PARP8: variants seen among roughly 807,000 people sequenced by gnomAD.
PARP8 encodes the protein poly(ADP-ribose) polymerase family member 8.
In PARP8, 51 loss-of-function variants were observed where a neutral mutation model predicts 124.1. That is an observed-to-expected ratio of 0.41 (90% CI 0.33 to 0.52). The LOEUF (loss-of-function observed/expected upper bound fraction) is 0.52, where lower values mean the gene tolerates loss of function less well. PARP8 is among the 20% of genes least tolerant of loss of function. The pLI is 0.21. For synonymous variants in PARP8, 391 were observed against 361.5 expected (o/e 1.08, Z -0.93); for missense variants, 860 against 1,018.9 (o/e 0.84, Z 2.12).
chr5:50,802,141 ATTT>A (rs1242056065), intron 14 of PARP8, among the ~76,000 whole-genome samples: 1 of 152,088 alleles, frequency 6.6e-6, no homozygotes, highest in Non-Finnish European at 1.5e-5. Flanking sequence ...TATTATGTCT[ATTT>A]TGTTCCTCTG....
intron 14 of PARP8, among the ~76,000 whole-genome samples, 180 bp downstream of exon 14, chr5:50,797,413 TTA>T (rs1491167100): frequency 6.6e-6 from 1 of 152,212 alleles, no homozygotes; most frequent in Non-Finnish European, 1.5e-5. Context: ...GAAAGAGCAG[TTA>T]GTTTGATATT....
chr5:50,793,035 CT>C (rs1317901347), intron 10 of PARP8, among the ~76,000 whole-genome samples: 1 of 152,098 alleles, frequency 6.6e-6, no homozygotes, highest in East Asian at 1.9e-4. Context: ...CGTACTACTA[CT>C]CTGTCACTTG....
intron 25 of PARP8, among the ~76,000 whole-genome samples, chr5:50,835,769 G>GTT (rs371433285): frequency 2.0e-5 from 3 of 150,692 alleles, no homozygotes; most frequent in African/African-American, 7.3e-5. Flanking sequence ...TCAATGTGGG[G>GTT]TTTTTTTTTG....
intron 2 of PARP8, among the ~76,000 whole-genome samples, chr5:50,717,592 C>A (rs1368738260): frequency 6.6e-6 from 1 of 151,652 alleles, no homozygotes; most frequent in Admixed American, 6.6e-5. Flanking sequence ...TCTGTGCAAG[C>A]AGAGAAAAAG....
chr5:50,694,802 C>T (rs1415263936), intron 2 of PARP8, among the ~76,000 whole-genome samples: 1 of 152,142 alleles, frequency 6.6e-6, no homozygotes, highest in Non-Finnish European at 1.5e-5. Context: ...CTCAAAACCT[C>T]AGAAGTAAGG....
chr5:50,761,416 T>C (rs1561342406), intron 5 of PARP8, among the ~76,000 whole-genome samples: 1 of 152,070 alleles, frequency 6.6e-6, no homozygotes, highest in African/African-American at 2.4e-5. Context: ...TTTTTTTTCA[T>C]ACCATTGTTT....
chr5:50,679,519 A>G (rs1751038436), intron 2 of PARP8, among the ~76,000 whole-genome samples: 1 of 152,216 alleles, frequency 6.6e-6, no homozygotes, highest in South Asian at 2.1e-4. Flanking sequence ...GGTGGGCTCT[A>G]GAGCTTTTGT....
intron 3 of PARP8, among the ~76,000 whole-genome samples, chr5:50,755,504 T>C (rs888043326): frequency 6.6e-6 from 1 of 152,184 alleles, no homozygotes; most frequent in Non-Finnish European, 1.5e-5. Context: ...TGTGTGGTAT[T>C]ATTTCTGAGG....
intron 2 of PARP8, among the ~76,000 whole-genome samples, chr5:50,674,873 C>G (rs896126152): frequency 6.6e-6 from 1 of 152,050 alleles, no homozygotes; most frequent in Admixed American, 6.5e-5. Context: ...ACGTTTTACG[C>G]ATAGGAGGAT....
At chr5:50,678,179 A>C (rs1161397419) in intron 2 of PARP8, among the ~76,000 whole-genome samples, 1 of 152,172 alleles carries the variant, frequency 6.6e-6, no homozygotes, top group Non-Finnish European at 1.5e-5. Context: ...AAAATTATTA[A>C]GAACCATTAC....
At chr5:50,698,162 G>T (rs1249394983) in intron 2 of PARP8, among the ~76,000 whole-genome samples, 1 of 152,158 alleles carries the variant, frequency 6.6e-6, no homozygotes, top group East Asian at 1.9e-4. Flanking sequence ...TTTCTCAGTC[G>T]AATACACGAG....
At chr5:50,783,603 G>A (rs1361705945) in intron 9 of PARP8, among the ~76,000 whole-genome samples, 1 of 152,048 alleles carries the variant, frequency 6.6e-6, no homozygotes, top group African/African-American at 2.4e-5. Context: ...TCTTAGTGAT[G>A]GCCACCTACA....
chr5:50,809,762 T>C (rs1707884395), intron 14 of PARP8, among the ~76,000 whole-genome samples: 2 of 151,960 alleles, frequency 1.3e-5, no homozygotes, highest in African/African-American at 2.4e-5. Flanking sequence ...AAAAAGACCA[T>C]GGCAAAAATA....
At chr5:50,771,180 A>G (rs945336628) in intron 7 of PARP8, among the ~76,000 whole-genome samples, 1 of 151,400 alleles carries the variant, frequency 6.6e-6, no homozygotes. Context: ...ATTTTTTGAG[A>G]TAGAGTTTTG....
At chr5:50,777,352 A>G (rs936888848) in intron 7 of PARP8, among the ~76,000 whole-genome samples, 3 of 152,196 alleles carry the variant, frequency 2.0e-5, no homozygotes, top group East Asian at 1.9e-4. Flanking sequence ...ATCTCTCACT[A>G]TGCATAGCAT....
Position 50,759,680 on chromosome 5 carries a change from T to C in PARP8, c.222T>C (p.Asp74=), listed in dbSNP as rs1033128395. 1 of 1,578,108 alleles carries C rather than the reference T, an allele frequency of 6.3e-7. No individual in the cohort carries two copies. Among genetic ancestry groups the C allele is most frequent in the Non-Finnish European group, 8.6e-7 (1 of 1,166,914 alleles). ...TYVSSSENDE[D]VLVTTEPIPV... is the part of the protein sequence containing the mutation. ...TGTCAAGTTCAGAGAATGATGAAGA[T>C]GTGCTAGTTACTACAGAGCCAATAC... Residue 74 remains aspartate (D), a synonymous_variant, in exon 4 of 26, where the codon GAT becomes GAC. Transcript: ENST00000281631.
At chr5:50,774,116 G>A (rs1044601157) in intron 7 of PARP8, among the ~76,000 whole-genome samples, 1 of 152,148 alleles carries the variant, frequency 6.6e-6, no homozygotes, top group Non-Finnish European at 1.5e-5. Flanking sequence ...TTAACCCTGA[G>A]TTGACACAGC....
intron 3 of PARP8, among the ~76,000 whole-genome samples, chr5:50,754,639 A>C (rs1024561257): frequency 6.6e-6 from 1 of 152,128 alleles, no homozygotes; most frequent in Non-Finnish European, 1.5e-5. Context: ...TGCTGCAATA[A>C]ACGTACGTAT....
At chr5:50,832,563 C>T (rs988942105) in intron 22 of PARP8, among the ~76,000 whole-genome samples, 5 of 152,104 alleles carry the variant, frequency 3.3e-5, no homozygotes, top group Admixed American at 6.5e-5. Flanking sequence ...GAAGAATTTT[C>T]GATCCTTGCT....
Sources: gnomAD v4.1 joint callset for allele counts (sites outside exome capture counted in the v4.1 genomes callset) on GRCh38, gnomAD v4.1.1 for gene constraint, MANE v1.5 for transcripts, NCBI Gene and HGNC (gene_info 2026-07-23, HGNC 2026-07-21) for gene names.